The following COQ4 variants were observed in gnomAD, a reference collection of about 807,000 sequenced individuals.
The protein encoded by COQ4 is ubiquinone biosynthesis protein COQ4 homolog, mitochondrial.
In COQ4, 36 loss-of-function variants were observed where a neutral mutation model predicts 30.2. That is an observed-to-expected ratio of 1.19 (90% CI 0.91 to 1.57). COQ4 has a LOEUF of 1.57. Ranked by LOEUF, COQ4 falls within the 40% of genes most tolerant of loss-of-function variation. The pLI is 0.00. For synonymous variants in COQ4, 197 were observed against 161.0 expected, an observed-to-expected ratio of 1.22 and a Z score of -1.69; for missense variants, 369 against 371.9, an observed-to-expected ratio of 0.99 and a Z score of 0.07.
intron 2 of COQ4, 48 bp downstream of exon 2, chr9:128,323,195 T>C: frequency 6.6e-7 from 1 of 1,522,096 alleles, no homozygotes; most frequent in Non-Finnish European, 8.7e-7. Context: ...TGGAGCCGTT[T>C]CCTGTGGGTA....
At chr9:128,329,613 G>A (rs566695861) in intron 4 of COQ4, among the ~76,000 whole-genome samples, 13 of 152,114 alleles carry the variant, frequency 8.5e-5, no homozygotes, top group Admixed American at 4.6e-4. Flanking sequence ...CAAGTGATCC[G>A]CTGGCCTTGG....
chr9:128,329,461 C>T (rs967551941), intron 4 of COQ4, among the ~76,000 whole-genome samples: 5 of 152,168 alleles, frequency 3.3e-5, no homozygotes, highest in African/African-American at 1.2e-4. Flanking sequence ...ACTGCAACCT[C>T]CACCTCCTGG....
chr9:128,323,289 G>A, intron 2 of COQ4, 142 bp downstream of exon 2: 1 of 822,680 alleles, frequency 1.2e-6, no homozygotes, highest in Admixed American at 3.2e-5. Flanking sequence ...GCAGATTCCT[G>A]GATCCCACCT....
chr9:128,332,761 G>A lies in COQ4; in HGVS notation c.533-89G>A. ...AGCTGACCCCGTAGAGATTAGGGAG[G>A]AACAGTGCCTCTCTTTACCCTGCTG... is the stretch of plus-strand genomic sequence containing the variant. On this transcript the variant is annotated intron_variant, in intron 5 of 6. Coordinates refer to ENST00000300452, the MANE Select transcript of COQ4 (RefSeq NM_016035.5). The A allele has an allele frequency of 7.1e-6, 7 of 991,524 alleles. No individual in the cohort carries two copies. The Admixed American group carries it at 1.2e-4, about 17-fold the overall frequency. 61.4% of individuals were successfully genotyped at this position (991,524 alleles called of 1,614,324 possible). A position where few individuals can be genotyped will look rare whatever the true frequency, so the allele number is the denominator to read the frequency against.
At chr9:128,332,562 A>G in intron 5 of COQ4, 1 of 581,742 alleles carries the variant, frequency 1.7e-6, no homozygotes, top group South Asian at 2.1e-5. Context: ...TAGCTCCCTA[A>G]GGCCTGCAGG....
intron 6 of COQ4, 114 bp downstream of exon 6, chr9:128,333,057 C>G: frequency 1.3e-6 from 1 of 769,164 alleles, no homozygotes; most frequent in South Asian, 1.5e-5. Flanking sequence ...ACAGCCCGTT[C>G]CAGTTCTCCA....
Position 128,322,876 on chromosome 9 carries a change from C to A in COQ4, c.18C>A (p.Arg6=). The A allele has an allele frequency of 1.3e-6, 2 of 1,582,694 alleles. No homozygotes were observed. The highest frequency in any genetic ancestry group is 1.7e-6 in the Non-Finnish European group (2 of 1,168,496). The part of the protein sequence containing the change: MATLL[R]PVLRRLCGLP... ...CCGCTGCCATGGCGACTCTGCTGCG[C>A]CCTGTCCTCCGTCGGCTCTGCGGGC... The change falls in exon 1 of 7, where the codon CGC becomes CGA. Residue 6 remains arginine (R), a synonymous_variant. Transcript: ENST00000300452.
rs754386051 is a variant in COQ4, at chr9:128,328,876, A to G, written c.402+2995A>G. Among the ~76,000 whole-genome samples, 68 of 152,212 alleles carry G rather than the reference A, an allele frequency of 4.5e-4. 1 individual carries two copies. The highest frequency in any genetic ancestry group is 1.9e-4 in the Non-Finnish European group (13 of 68,038). On this transcript the variant is annotated intron_variant, in intron 4 of 6. Transcript: ENST00000300452. ...GTGGAGGGGAGGGGGTAGCAGGGAC[A>G]GGACTGCTAGGACACCTTGCTCAGC... is the stretch of plus-strand genomic sequence containing the variant.
At chr9:128,325,261 G>A (rs769350487) in intron 3 of COQ4, 22 bp downstream of exon 3, 1 of 1,534,532 alleles carries the variant, frequency 6.5e-7, no homozygotes. Flanking sequence ...CTCTGCCTGG[G>A]GGTCTGGGGG....
chr9:128,323,290 G>C, intron 2 of COQ4, 143 bp downstream of exon 2: 1 of 822,530 alleles, frequency 1.2e-6, no homozygotes. Context: ...CAGATTCCTG[G>C]ATCCCACCTA....
At chr9:128,333,034 C>T in intron 6 of COQ4, 91 bp downstream of exon 6, 2 of 921,540 alleles carry the variant, frequency 2.2e-6, no homozygotes, top group South Asian at 1.3e-5. Context: ...AGGAAGAGCA[C>T]ACGGGCCCCT....
rs116971089 is a variant in COQ4, at chr9:128,333,030, A to G, written c.626+87A>G. The G allele has an allele frequency of 3.3e-3, 3,170 of 947,238 alleles. 23 individuals carry two copies. The highest frequency in any genetic ancestry group is 0.012 in the Middle Eastern group (52 of 4,296). The allele number at this position is 947,238 out of a possible 1,614,324, so 58.7% of individuals were successfully genotyped here. A position where few individuals can be genotyped will look rare whatever the true frequency, so the allele number is the denominator to read the frequency against. On this transcript the variant is annotated intron_variant, in intron 6 of 6. Coordinates refer to ENST00000300452, the MANE Select transcript of COQ4 (RefSeq NM_016035.5). ...GACCAGGGCTCTTAGAAGTAGGAAG[A>G]GCACACGGGCCCCTGCACAGCCCGT...
chr9:128,322,845 G>A lies in COQ4; in HGVS notation c.-14G>A. The A allele has an allele frequency of 1.3e-6, 2 of 1,540,092 alleles. No individual in the cohort carries two copies. Among genetic ancestry groups the A allele is most frequent in the Non-Finnish European group, 8.7e-7 (1 of 1,145,976 alleles). On this transcript the variant is annotated 5_prime_UTR_variant, in exon 1 of 7. Transcript: ENST00000300452. ...TTCTTCGTACCCGCCCATCCTCCGCGGACGCCCGCTGCCATGGCGACTCTG... is the reference window on the plus strand; with the variant it reads ...TTCTTCGTACCCGCCCATCCTCCGCAGACGCCCGCTGCCATGGCGACTCTG...
At chr9:128,333,015 CT>C in intron 6 of COQ4, 72 bp downstream of exon 6, 2 of 1,149,388 alleles carry the variant, frequency 1.7e-6, no homozygotes, top group Non-Finnish European at 2.6e-6. Context: ...GACCAGGGCT[CT>C]TAGAAGTAGG....
At chr9:128,324,718 C>T (rs932470824) in intron 2 of COQ4, among the ~76,000 whole-genome samples, 2 of 152,118 alleles carry the variant, frequency 1.3e-5, no homozygotes, top group African/African-American at 4.8e-5. Flanking sequence ...CACTTCACTC[C>T]AGCCTGGGCA....
intron 4 of COQ4, among the ~76,000 whole-genome samples, chr9:128,328,523 C>T (rs1180592969): frequency 6.6e-6 from 1 of 152,196 alleles, no homozygotes; most frequent in Non-Finnish European, 1.5e-5. Flanking sequence ...AGTGGCATCC[C>T]TGGCTTCTAC....
rs1230628136 is a variant in COQ4, at chr9:128,332,145, G to A, written c.403-8G>A. 3 of 1,559,952 alleles carry A rather than the reference G, an allele frequency of 1.9e-6. No homozygotes were observed. The Admixed American group carries it at 5.8e-5, about 30-fold the overall frequency. On this transcript the variant is annotated splice_region_variant and splice_polypyrimidine_tract_variant and intron_variant, in intron 4 of 6. Coordinates refer to ENST00000300452, the MANE Select transcript of COQ4 (RefSeq NM_016035.5). ...GGAAGGGTTCTAGGGGAGGCTCATG[G>A]TTGTCAGAGGGTCTCCCCAGACACC...
rs780717789 is a variant in COQ4 at position 128,333,661 on chromosome 9, G to A, written c.*16G>A. 1 of 1,514,042 alleles carries A rather than the reference G, an allele frequency of 6.6e-7. No homozygotes were observed. Among genetic ancestry groups the A allele is most frequent in the Admixed American group, 2.2e-5 (1 of 45,760 alleles). The allele number at this position is 1,514,042 out of a possible 1,614,324, so 93.8% of individuals were successfully genotyped here. On this transcript the variant is annotated 3_prime_UTR_variant, in exon 7 of 7. Transcript: ENST00000300452. Reference sequence around the variant, plus strand: ...CTTGGCCTGAGCTCCTGAGCCAGCGGGGCCTGGCCTACCTCCCCCATCCCC... The same window carrying A: ...CTTGGCCTGAGCTCCTGAGCCAGCGAGGCCTGGCCTACCTCCCCCATCCCC...
At chr9:128,331,057 T>C (rs111769797) in intron 4 of COQ4, 7,947 of 152,122 alleles carry the variant, frequency 0.052, 281 homozygotes, top group Middle Eastern at 0.11. Flanking sequence ...CAGGATGGTC[T>C]TGATCTCCTG....
Sources: allele counts gnomAD v4.1 joint callset (sites outside exome capture counted in the v4.1 genomes callset), GRCh38; gene constraint gnomAD v4.1.1; transcripts MANE v1.5; gene names NCBI Gene and HGNC (gene_info 2026-07-23, HGNC 2026-07-21).